Variants in MAPRE2 observed in about 807,000 individuals in gnomAD.
MAPRE2 encodes microtubule-associated protein RP/EB family member 2.
Under a neutral mutation model 43.2 loss-of-function variants are expected in MAPRE2, and 13 were observed. The ratio of observed to expected loss-of-function variants is 0.30; its 90% CI spans 0.20 to 0.48. The LOEUF (loss-of-function observed/expected upper bound fraction) is 0.48, where lower values mean the gene tolerates loss of function less well. Ranked by LOEUF, MAPRE2 falls within the 20% of genes least tolerant of loss-of-function variation. The pLI, the probability that MAPRE2 is intolerant of heterozygous loss-of-function variation, is 0.99. For synonymous variants in MAPRE2, 135 were observed against 148.8 expected (o/e 0.91, Z 0.68); for missense variants, 161 against 400.2 (o/e 0.40, Z 5.10).
At chr18:35,001,438 C>G (rs529281428) in intron 1 of MAPRE2, among the ~76,000 whole-genome samples, 1 of 151,942 alleles carries the variant, frequency 6.6e-6, no homozygotes, top group East Asian at 1.9e-4. Flanking sequence ...CGCTTGAACC[C>G]TGGAGACGGA....
intron 1 of MAPRE2, among the ~76,000 whole-genome samples, chr18:35,004,143 A>G (rs2097030661): frequency 6.6e-6 from 1 of 151,988 alleles, no homozygotes; most frequent in Admixed American, 6.6e-5. Flanking sequence ...CCTTTTTTTA[A>G]CTAAACATCT....
At chr18:34,983,913 A>G (rs2097017667) in intron 1 of MAPRE2, among the ~76,000 whole-genome samples, 1 of 152,184 alleles carries the variant, frequency 6.6e-6, no homozygotes, top group South Asian at 2.1e-4. Context: ...TACAGGCATA[A>G]GCCACAGTGT....
chr18:35,097,340 G>C (rs1016973721), intron 2 of MAPRE2, 106 bp from the exon 3 acceptor site: 15 of 975,892 alleles, frequency 1.5e-5, no homozygotes, highest in Non-Finnish European at 2.2e-5. Flanking sequence ...ACTCTGCTCT[G>C]AGTGATGATG....
At chr18:35,102,264 T>A in intron 4 of MAPRE2, 105 bp downstream of exon 4, 1 of 778,982 alleles carries the variant, frequency 1.3e-6, no homozygotes, top group Non-Finnish European at 2.0e-6. Flanking sequence ...CAACAGTCAA[T>A]ATTTTAATGC....
intron 1 of MAPRE2, among the ~76,000 whole-genome samples, chr18:35,049,357 C>G (rs1410981116): frequency 6.6e-6 from 1 of 152,122 alleles, no homozygotes; most frequent in African/African-American, 2.4e-5. Flanking sequence ...TTTTGGAGTG[C>G]CAGAAAGTGT....
chr18:35,110,883 A>G (rs925903174), intron 4 of MAPRE2, among the ~76,000 whole-genome samples: 1 of 152,168 alleles, frequency 6.6e-6, no homozygotes, highest in Middle Eastern at 3.4e-3. Flanking sequence ...TTTTCTCCTT[A>G]TCTTTGGTTT....
intron 1 of MAPRE2, among the ~76,000 whole-genome samples, chr18:35,050,257 A>G (rs1181509481): frequency 2.0e-5 from 3 of 152,196 alleles, no homozygotes; most frequent in Non-Finnish European, 4.4e-5. Context: ...TTCAGTTTGA[A>G]CTTAATGAGG....
intron 1 of MAPRE2, among the ~76,000 whole-genome samples, chr18:34,991,777 G>C (rs2097023942): frequency 1.3e-5 from 2 of 152,182 alleles, no homozygotes. Flanking sequence ...GGCACCTTTA[G>C]AGTATAACTT....
chr18:35,066,023 G>C (rs965765455), intron 1 of MAPRE2, among the ~76,000 whole-genome samples: 1 of 152,220 alleles, frequency 6.6e-6, no homozygotes, highest in Non-Finnish European at 1.5e-5. Context: ...TTGTTTCCAT[G>C]TAAAAGACAT....
intron 1 of MAPRE2, among the ~76,000 whole-genome samples, chr18:35,059,191 T>A (rs576069934): frequency 6.6e-6 from 1 of 152,318 alleles, no homozygotes; most frequent in East Asian, 1.9e-4. Flanking sequence ...TGTGCCCACA[T>A]TTATCCAACT....
At chr18:34,984,003 A>G (rs978455137) in intron 1 of MAPRE2, among the ~76,000 whole-genome samples, 3 of 141,236 alleles carry the variant, frequency 2.1e-5, no homozygotes, top group Non-Finnish European at 3.1e-5. Flanking sequence ...AAGGATCACT[A>G]AATACTAAAA....
intron 2 of MAPRE2, among the ~76,000 whole-genome samples, chr18:35,023,226 T>C (rs888185683): frequency 6.6e-6 from 1 of 152,072 alleles, no homozygotes; most frequent in African/African-American, 2.4e-5. Context: ...AAAATATAAA[T>C]TGTTGGCCGG....
chr18:35,110,552 T>TGTTCA (rs1909130757), intron 4 of MAPRE2, among the ~76,000 whole-genome samples: 1 of 152,168 alleles, frequency 6.6e-6, no homozygotes, highest in Admixed American at 6.5e-5. Flanking sequence ...TCTTCATTTC[T>TGTTCA]GAACACCCAA....
At chr18:35,023,842 T>A (rs530000177) in intron 2 of MAPRE2, among the ~76,000 whole-genome samples, 2 of 152,310 alleles carry the variant, frequency 1.3e-5, no homozygotes, top group East Asian at 3.9e-4. Context: ...ATTTTTTTAT[T>A]TACTGATGCC....
chr18:35,083,414 T>C (rs1158408117), intron 2 of MAPRE2, among the ~76,000 whole-genome samples: 1 of 152,224 alleles, frequency 6.6e-6, no homozygotes, highest in East Asian at 1.9e-4. Flanking sequence ...TTGTTTTTCA[T>C]TTGTAGTAAA....
Position 35,063,167 on chromosome 18 carries a change from G to A in MAPRE2, c.123-7028G>A, listed in dbSNP as rs566374611. Among the ~76,000 whole-genome samples the A allele has an allele frequency of 8.0e-4, 122 of 152,036 alleles. 1 individual carries two copies. Among genetic ancestry groups the A allele is most frequent in the Middle Eastern group, 6.8e-3 (2 of 292 alleles). ...CGCCCAGGCCGGAGTGCAGTGGCGCGATCTCGGCTCACTGCAAGCTCCACC... is the reference window on the plus strand; with the variant it reads ...CGCCCAGGCCGGAGTGCAGTGGCGCAATCTCGGCTCACTGCAAGCTCCACC... On this transcript the variant is annotated intron_variant, in intron 1 of 6. Transcript: ENST00000300249.
intron 2 of MAPRE2, among the ~76,000 whole-genome samples, chr18:35,007,633 A>T (rs1256761700): frequency 6.6e-6 from 1 of 152,236 alleles, no homozygotes; most frequent in Non-Finnish European, 1.5e-5. Context: ...CGCATCCATG[A>T]TAGATAACAG....
At chr18:35,125,405 T>C (rs1272933377) in intron 4 of MAPRE2, among the ~76,000 whole-genome samples, 1 of 152,264 alleles carries the variant, frequency 6.6e-6, no homozygotes, top group Non-Finnish European at 1.5e-5. Context: ...AAAAGTTTTA[T>C]TTACTTGTTT....
chr18:34,989,554 T>A (rs1413378746), intron 1 of MAPRE2, among the ~76,000 whole-genome samples: 6 of 152,042 alleles, frequency 3.9e-5, no homozygotes, highest in African/African-American at 7.2e-5. Flanking sequence ...TACCAAAAAA[T>A]TTTGAAAAAA....
Sources: allele counts gnomAD v4.1 joint callset (sites outside exome capture counted in the v4.1 genomes callset), GRCh38; gene constraint gnomAD v4.1.1; transcripts MANE v1.5; gene names NCBI Gene and HGNC (gene_info 2026-07-23, HGNC 2026-07-21).